Variants in CEP112 observed in about 807,000 individuals in gnomAD.
CEP112 encodes centrosomal protein 112, also known as centrosomal protein of 112 kDa.
A neutral mutation model predicts 153.0 loss-of-function variants in CEP112; 127 were observed. The observed-to-expected ratio is 0.83, with a 90% CI of 0.72 to 0.96. The LOEUF (loss-of-function observed/expected upper bound fraction) is 0.96. CEP112 is among the 40% of genes least tolerant of loss of function. The pLI, the probability that CEP112 is intolerant of heterozygous loss-of-function variation, is 0.00. For missense variants in CEP112, 1,089 were observed against 1,101.2 expected, an observed-to-expected ratio of 0.99 and a Z score of 0.16; for synonymous variants, 358 against 374.4, an observed-to-expected ratio of 0.96 and a Z score of 0.51.
intron 17 of CEP112, among the ~76,000 whole-genome samples, chr17:65,976,739 T>C (rs28686930): frequency 8.5e-4 from 36 of 42,462 alleles, no homozygotes; most frequent in Non-Finnish European, 9.3e-4. Flanking sequence ...CTTTTTCTTT[T>C]TTTTTTTTTT....
At chr17:65,743,250 T>C in intron 22 of CEP112, 33 bp from the exon 23 acceptor site, 1 of 1,560,526 alleles carries the variant, frequency 6.4e-7, no homozygotes, top group East Asian at 2.2e-5. Flanking sequence ...TAACTTCAAA[T>C]TCTTCTGGGA....
At chr17:66,130,328 G>A (rs186703108) in intron 5 of CEP112, among the ~76,000 whole-genome samples, 19 of 152,118 alleles carry the variant, frequency 1.2e-4, no homozygotes, top group South Asian at 2.1e-4. Context: ...GTGTATTGTC[G>A]GGGGCAGGGG....
At chr17:66,118,821 C>T (rs11079643) in intron 6 of CEP112, among the ~76,000 whole-genome samples, 12,295 of 152,098 alleles carry the variant, frequency 0.081, 558 homozygotes, top group South Asian at 0.17. Flanking sequence ...CAAAATATCA[C>T]ATCCCCATAA....
At chr17:66,105,203 T>C (rs1479962354) in intron 6 of CEP112, among the ~76,000 whole-genome samples, 1 of 152,194 alleles carries the variant, frequency 6.6e-6, no homozygotes, top group Non-Finnish European at 1.5e-5. Context: ...CAATCAGTGT[T>C]AAATGATCAG....
chr17:65,839,887 C>T (rs1486742808), intron 21 of CEP112, among the ~76,000 whole-genome samples: 1 of 151,408 alleles, frequency 6.6e-6, no homozygotes. Flanking sequence ...AGTGAACAAT[C>T]ATGAAAAAAA....
In CEP112 at chr17:65,810,982, G is replaced by C. The variant is rs183132190; in HGVS notation, c.2394+40822C>G. Among the ~76,000 whole-genome samples the C allele has an allele frequency of 2.3e-3, 348 of 152,266 alleles. 1 individual carries two copies. The highest frequency in any genetic ancestry group is 8.2e-3 in the African/African-American group (339 of 41,562). On this transcript the variant is annotated intron_variant, in intron 21 of 26. Coordinates refer to ENST00000535342, the MANE Select transcript of CEP112 (RefSeq NM_001199165.4). ...CCTCCACTTTTCCAGTGAAATCGAG[G>C]TCATCATCTCAGAACAGAAATGAAA...
intron 12 of CEP112, among the ~76,000 whole-genome samples, chr17:66,046,128 C>T (rs936566112): frequency 2.0e-5 from 3 of 151,940 alleles, no homozygotes; most frequent in Admixed American, 1.3e-4. Context: ...CTGCAAGCTC[C>T]GCCTCCTGGG....
chr17:65,945,512 AG>A (rs1255597355), intron 18 of CEP112, among the ~76,000 whole-genome samples: 1 of 152,212 alleles, frequency 6.6e-6, no homozygotes, highest in South Asian at 2.1e-4. Flanking sequence ...AGTATACATC[AG>A]TTTCATTGTT....
chr17:66,046,332 A>G (rs904820630), intron 12 of CEP112, among the ~76,000 whole-genome samples: 6 of 152,122 alleles, frequency 3.9e-5, no homozygotes, highest in Non-Finnish European at 5.9e-5. Flanking sequence ...GTGAGCCACC[A>G]CGCCCGGCCA....
At chr17:66,166,915 A>C (rs1011566800) in intron 4 of CEP112, among the ~76,000 whole-genome samples, 1 of 151,784 alleles carries the variant, frequency 6.6e-6, no homozygotes, top group Non-Finnish European at 1.5e-5. Context: ...AAAAAAAAAA[A>C]AAAAAAACAC....
rs923596354 is a variant in CEP112 at position 65,664,129 on chromosome 17, A to G, written c.2698-23064T>C. ...CAGTATAACAGACATTTGGGGAAAG[A>G]AAAAGATCTTTGGCCATGGCATTGC... On this transcript the variant is annotated intron_variant, in intron 24 of 26. Transcript: ENST00000535342. Among the ~76,000 whole-genome samples, 3 of 152,234 alleles carry G rather than the reference A, an allele frequency of 2.0e-5. No individual in the cohort carries two copies. The East Asian group carries it at 5.8e-4, about 29-fold the overall frequency.
chr17:65,696,391 A>G (rs1598337205), intron 23 of CEP112, among the ~76,000 whole-genome samples: 4 of 152,280 alleles, frequency 2.6e-5, no homozygotes, highest in South Asian at 2.1e-4. Context: ...TCCTTTGGGA[A>G]GTGGGAACCT....
At chr17:65,862,449 G>A (rs1167472464) in intron 20 of CEP112, among the ~76,000 whole-genome samples, 3 of 152,132 alleles carry the variant, frequency 2.0e-5, no homozygotes, top group Non-Finnish European at 2.9e-5. Context: ...TTAGCCGGGC[G>A]TGGTGGTGGG....
chr17:65,715,400 T>TA (rs1345457388), intron 23 of CEP112, among the ~76,000 whole-genome samples: 3 of 152,180 alleles, frequency 2.0e-5, no homozygotes, highest in East Asian at 3.9e-4. Flanking sequence ...AATTTATAGT[T>TA]AGAGTCCCTG....
chr17:65,905,534 C>T (rs1001935576), intron 19 of CEP112, among the ~76,000 whole-genome samples: 1 of 152,218 alleles, frequency 6.6e-6, no homozygotes, highest in African/African-American at 2.4e-5. Flanking sequence ...CTGTGGAAGA[C>T]AGTGTGGCAA....
chr17:66,175,464 A>C (rs2072433310), intron 3 of CEP112, among the ~76,000 whole-genome samples: 1 of 152,200 alleles, frequency 6.6e-6, no homozygotes, highest in Admixed American at 6.5e-5. Context: ...TAACAGATAA[A>C]TCTGATAGTA....
chr17:65,984,872 T>C (rs552809137), intron 17 of CEP112, among the ~76,000 whole-genome samples: 69 of 151,992 alleles, frequency 4.5e-4, no homozygotes, highest in South Asian at 1.0e-3. Flanking sequence ...AGGATGAACA[T>C]GCAAAAAAGA....
intron 4 of CEP112, among the ~76,000 whole-genome samples, chr17:66,174,069 C>T (rs1292063502): frequency 1.3e-5 from 2 of 152,134 alleles, no homozygotes; most frequent in African/African-American, 4.8e-5. Context: ...GCTGGGACTA[C>T]AGGCACCCGC....
chr17:65,637,600 G>A (rs150221224), intron 25 of CEP112, among the ~76,000 whole-genome samples: 22 of 152,310 alleles, frequency 1.4e-4, no homozygotes, highest in African/African-American at 5.3e-4. Flanking sequence ...CACCTCTCCT[G>A]TGGAATCGTT....
Sources: allele counts gnomAD v4.1 joint callset (sites outside exome capture counted in the v4.1 genomes callset), GRCh38; gene constraint gnomAD v4.1.1; transcripts MANE v1.5; gene names NCBI Gene and HGNC (gene_info 2026-07-23, HGNC 2026-07-21).